The following GRIA1 variants were observed in gnomAD, a reference collection of about 807,000 sequenced individuals.
GRIA1 encodes the protein glutamate receptor 1.
GRIA1 carries 31 observed loss-of-function variants against 99.2 expected under a neutral mutation model. The ratio of observed to expected loss-of-function variants is 0.31; its 90% CI spans 0.23 to 0.42. GRIA1 has a LOEUF of 0.42. Among genes scored for constraint, GRIA1 ranks in the 10% least tolerant of loss-of-function variants. The pLI is 1.00. For synonymous variants in GRIA1, 438 were observed against 432.4 expected (o/e 1.01, Z -0.16); for missense variants, 782 against 1,157.5 (o/e 0.68, Z 4.71).
At chr5:153,718,065 C>T (rs532016765) in intron 11 of GRIA1, among the ~76,000 whole-genome samples, 2 of 151,948 alleles carry the variant, frequency 1.3e-5, no homozygotes, top group East Asian at 3.9e-4. Flanking sequence ...GTCATCACTC[C>T]GATGTTTTAA....
chr5:153,714,216 G>C (rs993722340), intron 11 of GRIA1, among the ~76,000 whole-genome samples: 8 of 152,120 alleles, frequency 5.3e-5, no homozygotes, highest in Admixed American at 3.9e-4. Flanking sequence ...ACTCCATGCA[G>C]ACCAAACAAA....
chr5:153,795,636 C>T (rs1238794615), intron 14 of GRIA1: 2 of 1,132,870 alleles, frequency 1.8e-6, no homozygotes, highest in Admixed American at 1.7e-5. Flanking sequence ...AACAAAAATG[C>T]ACAGTGTTGA....
rs1045297658 is a variant in GRIA1 at position 153,493,929 on chromosome 5, G to A, written c.84G>A (p.Gly28=). 3.7e-6 allele frequency: 6 copies of A among 1,613,804 alleles called. No individual in the cohort carries two copies. The South Asian group carries it at 5.5e-5, about 15-fold the overall frequency. The part of the protein sequence containing the change: ...GANFPNNIQI[G]GLFPNQQSQE... ...ATGTTGCATTTTCTTTTCTCATAGG[G>A]GGATTATTTCCAAACCAGCAGTCAC... The change falls in exon 2 of 16, where the codon GGG becomes GGA. Residue 28 remains glycine, a splice_region_variant and synonymous_variant. Coordinates refer to ENST00000285900, the MANE Select transcript of GRIA1 (RefSeq NM_000827.4).
At chr5:153,512,375 G>A (rs1756176967) in intron 2 of GRIA1, among the ~76,000 whole-genome samples, 1 of 152,194 alleles carries the variant, frequency 6.6e-6, no homozygotes, top group South Asian at 2.1e-4. Context: ...TTTCCAGTAA[G>A]GAATGGTTGG....
chr5:153,690,248 G>A (rs72802676), intron 8 of GRIA1, among the ~76,000 whole-genome samples: 3,538 of 150,608 alleles, frequency 0.023, 56 homozygotes, highest in Non-Finnish European at 0.036. Flanking sequence ...GGAAGTAAAA[G>A]GAATACAAAT....
chr5:153,738,209 G>A (rs1421054388), intron 11 of GRIA1, among the ~76,000 whole-genome samples: 1 of 152,170 alleles, frequency 6.6e-6, no homozygotes, highest in Admixed American at 6.5e-5. Context: ...TCTGGTAGCT[G>A]GTTCTCCATC....
Position 153,546,468 on chromosome 5 carries a change from C to T in GRIA1, c.220+52403C>T, listed in dbSNP as rs547878744. Among the ~76,000 whole-genome samples the T allele has an allele frequency of 9.2e-5, 14 of 152,162 alleles. No homozygotes were observed. In the South Asian group the frequency reaches 1.5e-3, roughly 16 times the overall value. On this transcript the variant is annotated intron_variant, in intron 2 of 15. Coordinates refer to ENST00000285900, the MANE Select transcript of GRIA1 (RefSeq NM_000827.4). ...AATGAAGGAATTCAATAATTATTAC[C>T]GATGATGATAATTTATGCTTATTAT...
intron 2 of GRIA1, among the ~76,000 whole-genome samples, chr5:153,529,862 C>T (rs1000281174): frequency 1.3e-5 from 2 of 152,090 alleles, no homozygotes; most frequent in African/African-American, 4.8e-5. Context: ...AAAATGAGCC[C>T]TCTCATTTCA....
At chr5:153,492,747 A>G (rs1174439787) in intron 1 of GRIA1, among the ~76,000 whole-genome samples, 5 of 152,106 alleles carry the variant, frequency 3.3e-5, no homozygotes. Flanking sequence ...ATTTAGCCCT[A>G]ACTTGGTTGT....
intron 3 of GRIA1, 28 bp from the exon 4 acceptor site, chr5:153,650,299 GTCA>G: frequency 1.3e-6 from 2 of 1,514,558 alleles, no homozygotes; most frequent in Middle Eastern, 1.8e-4. Flanking sequence ...CTGACTGTCT[GTCA>G]TTTCTCTTCT....
At chr5:153,623,552 G>A (rs1767276492) in intron 2 of GRIA1, among the ~76,000 whole-genome samples, 2 of 152,168 alleles carry the variant, frequency 1.3e-5, no homozygotes, top group African/African-American at 2.4e-5. Flanking sequence ...AAACAACAAA[G>A]CAATTGGTCT....
intron 11 of GRIA1, among the ~76,000 whole-genome samples, chr5:153,731,792 G>A (rs1458439693): frequency 6.6e-6 from 1 of 152,106 alleles, no homozygotes; most frequent in Non-Finnish European, 1.5e-5. Flanking sequence ...CAAATTTCAA[G>A]TATGCAATGC....
intron 11 of GRIA1, among the ~76,000 whole-genome samples, chr5:153,716,258 C>T (rs540992908): frequency 6.6e-6 from 1 of 152,306 alleles, no homozygotes; most frequent in South Asian, 2.1e-4. Context: ...AATTAATTCA[C>T]TTGCATGTGG....
At chr5:153,499,020 A>C (rs2113223846) in intron 2 of GRIA1, among the ~76,000 whole-genome samples, 1 of 152,338 alleles carries the variant, frequency 6.6e-6, no homozygotes, top group East Asian at 1.9e-4. Flanking sequence ...TAAAAGACAC[A>C]AAAGATGTAT....
At chr5:153,586,834 A>G (rs1365872700) in intron 2 of GRIA1, among the ~76,000 whole-genome samples, 1 of 152,224 alleles carries the variant, frequency 6.6e-6, no homozygotes, top group African/African-American at 2.4e-5. Flanking sequence ...AAAAGCACAG[A>G]AGCATTATTG....
At chr5:153,546,151 C>T (rs1221510948) in intron 2 of GRIA1, among the ~76,000 whole-genome samples, 2 of 152,250 alleles carry the variant, frequency 1.3e-5, no homozygotes, top group East Asian at 3.9e-4. Context: ...ATTAGATGTT[C>T]GTATGATTGA....
intron 2 of GRIA1, among the ~76,000 whole-genome samples, chr5:153,542,143 C>T (rs960072500): frequency 5.9e-5 from 9 of 151,928 alleles, no homozygotes; most frequent in Admixed American, 2.0e-4. Flanking sequence ...ATACCCCAGG[C>T]CTCAGCTGAA....
At chr5:153,499,349 C>T (rs1343569185) in intron 2 of GRIA1, among the ~76,000 whole-genome samples, 1 of 152,074 alleles carries the variant, frequency 6.6e-6, no homozygotes, top group African/African-American at 2.4e-5. Context: ...GGGGCAGTGG[C>T]TCACACTTGT....
chr5:153,492,354 C>T, intron 1 of GRIA1: 2 of 1,482,104 alleles, frequency 1.3e-6, no homozygotes, highest in Non-Finnish European at 1.8e-6. Flanking sequence ...AACTTCCTGC[C>T]TTCAGGGGAG....
Sources: allele counts gnomAD v4.1 joint callset (sites outside exome capture counted in the v4.1 genomes callset), GRCh38; gene constraint gnomAD v4.1.1; transcripts MANE v1.5; gene names NCBI Gene and HGNC (gene_info 2026-07-23, HGNC 2026-07-21).